Variants in PRKACB observed in about 807,000 individuals in gnomAD.
PRKACB encodes the protein cAMP-dependent protein kinase catalytic subunit beta.
In PRKACB, 16 loss-of-function variants were observed where a neutral mutation model predicts 51.4. The observed-to-expected ratio is 0.31, with a 90% CI of 0.21 to 0.47. The LOEUF is 0.47. Ranked by LOEUF, PRKACB falls within the 20% of genes least tolerant of loss-of-function variation. The pLI, the probability that PRKACB is intolerant of heterozygous loss-of-function variation, is 1.00. For synonymous variants in PRKACB, 147 were observed against 154.4 expected (o/e 0.95, Z 0.35); for missense variants, 309 against 464.5 (o/e 0.67, Z 3.08).
At chr1:84,180,183 G>GATAGATATATATATATATAT (rs1553173788) in intron 2 of PRKACB, among the ~76,000 whole-genome samples, 1 of 32,062 alleles carries the variant, frequency 3.1e-5, no homozygotes, top group East Asian at 8.6e-4. Context: ...AAGAAACTGT[G>GATAGATATATATATATATAT]ATATATATAT....
At chr1:84,184,197 A>G (rs757179938) in intron 4 of PRKACB, 62 bp downstream of exon 4, 4 of 1,406,528 alleles carry the variant, frequency 2.8e-6, no homozygotes, top group Non-Finnish European at 3.9e-6. Context: ...AGATGAAACT[A>G]TAAATGGATT....
At chr1:84,095,971 TG>T (rs1477604710) in intron 1 of PRKACB, among the ~76,000 whole-genome samples, 3 of 152,080 alleles carry the variant, frequency 2.0e-5, no homozygotes, top group Non-Finnish European at 4.4e-5. Flanking sequence ...CTCTTATTTT[TG>T]GTTATTTGGT....
At chr1:84,210,639 A>G (rs545218715) in intron 8 of PRKACB, among the ~76,000 whole-genome samples, 1 of 152,272 alleles carries the variant, frequency 6.6e-6, no homozygotes, top group East Asian at 1.9e-4. Context: ...TTCACTTTCT[A>G]TAGTAGTTAT....
In PRKACB at chr1:84,098,117, A is replaced by G. The variant is rs78889556; in HGVS notation, c.46+19746A>G. Among the ~76,000 whole-genome samples the G allele has an allele frequency of 3.3e-4, 50 of 152,150 alleles. No homozygotes were observed. In the East Asian group the frequency reaches 7.5e-3, roughly 23 times the overall value. On this transcript the variant is annotated intron_variant, in intron 1 of 8. Coordinates refer to the PRKACB transcript ENST00000370688. ...ATGTTGAACACGTTTTTATATGCTT[A>G]TTGGGTTATTCAGATATCCTTTTTT...
At chr1:84,108,396 C>A (rs981843283) in intron 1 of PRKACB, among the ~76,000 whole-genome samples, 1 of 151,812 alleles carries the variant, frequency 6.6e-6, no homozygotes, top group Non-Finnish European at 1.5e-5. Context: ...ATTGGGTATA[C>A]CTGGGTGATG....
intron 1 of PRKACB, among the ~76,000 whole-genome samples, chr1:84,163,030 T>C (rs900594384): frequency 6.6e-6 from 1 of 152,062 alleles, no homozygotes; most frequent in African/African-American, 2.4e-5. Flanking sequence ...AGTTTTTTCT[T>C]CTTATTCTAA....
intron 2 of PRKACB, chr1:84,181,793 A>G: frequency 3.3e-6 from 4 of 1,210,658 alleles, no homozygotes; most frequent in Non-Finnish European, 4.5e-6. Flanking sequence ...TTGCAAGTGC[A>G]TTAAGTCTGT....
Position 84,086,304 on chromosome 1 carries a change from C to A in PRKACB, c.46+7933C>A, listed in dbSNP as rs545354297. ...TAGAACTTGGCCCTTCCTGCTGCCT[C>A]CCTCCTGTCTGGCCCCTGGGGCCCA... On this transcript the variant is annotated intron_variant, in intron 1 of 8. Coordinates refer to the PRKACB transcript ENST00000370688. The A allele has an allele frequency of 1.4e-5, 14 of 987,594 alleles. No homozygotes were observed. The East Asian group carries it at 3.4e-4, about 24-fold the overall frequency. 61.2% of individuals were successfully genotyped at this position (987,594 alleles called of 1,614,324 possible). A position where few individuals can be genotyped will look rare whatever the true frequency, so the allele number is the denominator to read the frequency against.
At chr1:84,192,365 C>A (rs2101119836) in intron 5 of PRKACB, among the ~76,000 whole-genome samples, 1 of 152,220 alleles carries the variant, frequency 6.6e-6, no homozygotes, top group South Asian at 2.1e-4. Flanking sequence ...TGTCTCAATT[C>A]TTTGTCCCTG....
At chr1:84,226,882 G>A (rs1674698380) in intron 9 of PRKACB, among the ~76,000 whole-genome samples, 1 of 152,076 alleles carries the variant, frequency 6.6e-6, no homozygotes, top group Non-Finnish European at 1.5e-5. Flanking sequence ...TTGGCCATTT[G>A]GCTGAGATAG....
intron 7 of PRKACB, among the ~76,000 whole-genome samples, chr1:84,199,116 CAT>C (rs199699646): frequency 7.6e-4 from 77 of 101,486 alleles, no homozygotes; most frequent in Admixed American, 2.1e-3. Context: ...TATATATATG[CAT>C]ATATATATAT....
chr1:84,159,602 C>T (rs1006988921), intron 1 of PRKACB, among the ~76,000 whole-genome samples: 6 of 152,042 alleles, frequency 3.9e-5, no homozygotes, highest in Admixed American at 1.3e-4. Context: ...TTTCTTGCCT[C>T]ATTGCACTGG....
intron 1 of PRKACB, among the ~76,000 whole-genome samples, chr1:84,111,887 A>G (rs932665470): frequency 2.0e-5 from 3 of 152,146 alleles, no homozygotes; most frequent in Non-Finnish European, 4.4e-5. Flanking sequence ...TGTGGCAACT[A>G]TTGTTTACAA....
At chr1:84,186,995 A>G (rs1055489279) in intron 5 of PRKACB, among the ~76,000 whole-genome samples, 1 of 152,208 alleles carries the variant, frequency 6.6e-6, no homozygotes. Context: ...TACAAATGAT[A>G]GTACAAAAAA....
chr1:84,128,017 T>G (rs1031063038), intron 1 of PRKACB, among the ~76,000 whole-genome samples: 9 of 145,280 alleles, frequency 6.2e-5, no homozygotes, highest in Non-Finnish European at 1.4e-4. Context: ...CTTTTTTTTT[T>G]TTTTTTTTGA....
intron 2 of PRKACB, among the ~76,000 whole-genome samples, chr1:84,180,122 A>G (rs181328073): frequency 0.011 from 1,538 of 141,202 alleles, 41 homozygotes; most frequent in African/African-American, 0.038. Context: ...ACAATTCACA[A>G]TTGCAAAATA....
At chr1:84,215,142 A>G (rs115208535) in intron 9 of PRKACB, among the ~76,000 whole-genome samples, 6 of 152,360 alleles carry the variant, frequency 3.9e-5, no homozygotes, top group African/African-American at 1.4e-4. Flanking sequence ...AACATAATTC[A>G]TACAAATTAG....
At chr1:84,088,051 A>C (rs1208331517) in intron 1 of PRKACB, among the ~76,000 whole-genome samples, 1 of 152,172 alleles carries the variant, frequency 6.6e-6, no homozygotes, top group African/African-American at 2.4e-5. Context: ...TAGATTCAGT[A>C]ATGCTATGTA....
chr1:84,173,142 T>TA (rs778903199), intron 1 of PRKACB, among the ~76,000 whole-genome samples: 127 of 150,306 alleles, frequency 8.4e-4, no homozygotes, highest in Non-Finnish European at 3.6e-4. Flanking sequence ...TTTGGTTGGT[T>TA]AAAAAAAAAG....
Sources: gnomAD v4.1 joint callset for allele counts (sites outside exome capture counted in the v4.1 genomes callset) on GRCh38, gnomAD v4.1.1 for gene constraint, MANE v1.5 for transcripts, NCBI Gene and HGNC (gene_info 2026-07-23, HGNC 2026-07-21) for gene names.